The following FGF12 variants were observed in gnomAD, a reference collection of about 807,000 sequenced individuals.
FGF12 encodes fibroblast growth factor 12, also known as fibroblast growth factor 12B.
Under a neutral mutation model 23.6 loss-of-function variants are expected in FGF12, and 14 were observed. The observed-to-expected ratio is 0.59, with a 90% CI of 0.39 to 0.93. The LOEUF (loss-of-function observed/expected upper bound fraction) is 0.93, where lower values mean the gene tolerates loss of function less well. Among genes scored for constraint, FGF12 ranks in the 40% least tolerant of loss-of-function variants. The probability of loss-of-function intolerance (pLI) is 0.00; values close to 1 mark genes in which losing one functional copy is unlikely to be tolerated. For missense variants in FGF12, 175 were observed against 217.8 expected (o/e 0.80, Z 1.24); for synonymous variants, 62 against 77.3 (o/e 0.80, Z 1.04).
intron 2 of FGF12, among the ~76,000 whole-genome samples, chr3:192,620,127 T>A (rs1308115439): frequency 1.3e-5 from 2 of 152,014 alleles, no homozygotes; most frequent in Non-Finnish European, 2.9e-5. Flanking sequence ...AACACTCCAT[T>A]TTTGCCGACC....
chr3:192,490,445 G>A (rs1723765934), intron 2 of FGF12, among the ~76,000 whole-genome samples: 1 of 151,918 alleles, frequency 6.6e-6, no homozygotes, highest in Non-Finnish European at 1.5e-5. Flanking sequence ...TATGGATATT[G>A]TATACAAACA....
In FGF12 at chr3:192,401,652, C is replaced by T. The variant is rs544991446; in HGVS notation, c.14-41114G>A. Among the ~76,000 whole-genome samples the T allele has an allele frequency of 6.6e-5, 10 of 152,282 alleles. No homozygotes were observed. In the East Asian group the frequency reaches 1.9e-3, roughly 29 times the overall value. ...AGTGCCCAATTAAAAATACAAGTCG[C>T]ATGATATCACCCCATACTGCTGATC... On this transcript the variant is annotated intron_variant, in intron 2 of 5. Transcript: ENST00000445105.
intron 2 of FGF12, among the ~76,000 whole-genome samples, chr3:192,554,300 A>G (rs916379655): frequency 6.6e-6 from 1 of 152,108 alleles, no homozygotes; most frequent in Non-Finnish European, 1.5e-5. Flanking sequence ...CTCTGGGGGG[A>G]ATTGTTTCTG....
intron 2 of FGF12, among the ~76,000 whole-genome samples, chr3:192,506,040 T>C (rs1037284454): frequency 1.3e-5 from 2 of 152,230 alleles, no homozygotes; most frequent in African/African-American, 4.8e-5. Flanking sequence ...AGGCTTAATA[T>C]TAAGTGTATT....
intron 2 of FGF12, among the ~76,000 whole-genome samples, chr3:192,571,605 C>A (rs1344561190): frequency 2.0e-5 from 3 of 152,190 alleles, no homozygotes; most frequent in Non-Finnish European, 4.4e-5. Context: ...GGTTCTCGGG[C>A]CTTCTTAAAA....
intron 5 of FGF12, among the ~76,000 whole-genome samples, chr3:192,167,736 T>G (rs1462877887): frequency 1.1e-4 from 2 of 18,070 alleles, no homozygotes; most frequent in Non-Finnish European, 2.1e-4. Context: ...TATAGGTATA[T>G]ATATATATAT....
At chr3:192,350,006 T>C (rs1196789161) in intron 3 of FGF12, among the ~76,000 whole-genome samples, 1 of 152,130 alleles carries the variant, frequency 6.6e-6, no homozygotes, top group African/African-American at 2.4e-5. Context: ...TCTAATTAAA[T>C]CTTTTGGTTT....
At position 192,251,723 on chromosome 3, in the gene FGF12, GA is replaced by G. The variant is rs944711165; in HGVS notation, c.229-81068del. Among the ~76,000 whole-genome samples, 4 of 150,676 alleles carry G rather than the reference GA, an allele frequency of 2.7e-5. 1 individual carries two copies. The highest frequency in any genetic ancestry group is 4.2e-4 in the South Asian group (2 of 4,800). ...AGATTAGATATTTTTAGTTGCATGA[GA>G]AAAAAAAGCCAGATACAAATGGCCC... On this transcript the variant is annotated intron_variant, in intron 4 of 5. Transcript: ENST00000445105.
chr3:192,643,513 C>T (rs574916195), intron 2 of FGF12, among the ~76,000 whole-genome samples: 1 of 149,728 alleles, frequency 6.7e-6, no homozygotes, highest in South Asian at 2.1e-4. Flanking sequence ...CTTTCTGTCC[C>T]TCATTCTACT....
At chr3:192,495,574 C>T (rs766532776) in intron 2 of FGF12, among the ~76,000 whole-genome samples, 5 of 152,180 alleles carry the variant, frequency 3.3e-5, no homozygotes, top group Non-Finnish European at 5.9e-5. Flanking sequence ...TTAGCACACT[C>T]ATTTTCAAAT....
chr3:192,353,235 T>C (rs1234654526), intron 3 of FGF12, among the ~76,000 whole-genome samples: 2 of 152,126 alleles, frequency 1.3e-5, no homozygotes, highest in African/African-American at 2.4e-5. Context: ...GGAGCTCCAA[T>C]AAGATTTTTA....
chr3:192,666,093 C>CA (rs1716863036), intron 2 of FGF12, among the ~76,000 whole-genome samples: 1 of 152,054 alleles, frequency 6.6e-6, no homozygotes, highest in Admixed American at 6.6e-5. Context: ...GAACATACCC[C>CA]AAAACAATAG....
At position 192,283,617 on chromosome 3, in the gene FGF12, T is replaced by G. The variant is rs181824053; in HGVS notation, c.228+51744A>C. On this transcript the variant is annotated intron_variant, in intron 4 of 5. Transcript: ENST00000445105. The stretch of plus-strand genomic sequence containing the variant: ...ATCATTTTACCTTAGAAGGGTAAAT[T>G]GTCACCCCTTTATTTGCCACAACAG... Among the ~76,000 whole-genome samples the G allele has an allele frequency of 1.7e-3, 261 of 152,170 alleles. 2 individuals are homozygous for G. Among genetic ancestry groups the G allele is most frequent in the African/African-American group, 6.0e-3 (248 of 41,542 alleles).
chr3:192,700,471 T>C (rs893706208), intron 2 of FGF12, among the ~76,000 whole-genome samples: 5 of 152,202 alleles, frequency 3.3e-5, no homozygotes, highest in African/African-American at 9.6e-5. Context: ...TTTTTAAAGA[T>C]TTGTCACTGA....
At chr3:192,335,828 C>A (rs1717380331) in intron 3 of FGF12, among the ~76,000 whole-genome samples, 1 of 152,010 alleles carries the variant, frequency 6.6e-6, no homozygotes, top group South Asian at 2.1e-4. Context: ...AAATTCTCAA[C>A]AGGAGAAAAC....
chr3:192,666,082 T>C (rs1477669698), intron 2 of FGF12, among the ~76,000 whole-genome samples: 1 of 152,128 alleles, frequency 6.6e-6, no homozygotes, highest in East Asian at 1.9e-4. Context: ...TTTTTGGAAA[T>C]GAACATACCC....
Position 192,436,881 on chromosome 3 carries a change from C to T in FGF12, c.14-76343G>A, listed in dbSNP as rs544704918. Among the ~76,000 whole-genome samples the T allele has an allele frequency of 4.1e-4, 62 of 152,158 alleles. No individual in the cohort carries two copies. In the South Asian group the frequency reaches 0.012, roughly 31 times the overall value. On this transcript the variant is annotated intron_variant, in intron 2 of 5. Coordinates refer to ENST00000445105, the MANE Select transcript of FGF12 (RefSeq NM_004113.6). ...GACTGTGTTCCAGTGCTGGAGAACA[C>T]AAAGGTGGGAAGATATGAAAGGACA...
chr3:192,220,699 T>C (rs1718424137), intron 4 of FGF12, among the ~76,000 whole-genome samples: 1 of 152,196 alleles, frequency 6.6e-6, no homozygotes, highest in Admixed American at 6.5e-5. Context: ...CTGACTTCTA[T>C]AAGATAAGAA....
intron 2 of FGF12, among the ~76,000 whole-genome samples, chr3:192,505,042 A>G (rs995690585): frequency 1.3e-5 from 2 of 152,190 alleles, no homozygotes; most frequent in African/African-American, 4.8e-5. Context: ...TCTAAATATC[A>G]AATGGCATTG....
Sources: gnomAD v4.1 joint callset for allele counts (sites outside exome capture counted in the v4.1 genomes callset) on GRCh38, gnomAD v4.1.1 for gene constraint, MANE v1.5 for transcripts, NCBI Gene and HGNC (gene_info 2026-07-23, HGNC 2026-07-21) for gene names.